Variants in PHC3 observed in about 807,000 individuals in gnomAD.
PHC3 encodes the protein polyhomeotic-like protein 3.
A neutral mutation model predicts 107.4 loss-of-function variants in PHC3; 13 were observed. That is an observed-to-expected ratio of 0.12 (90% CI 0.08 to 0.19). The LOEUF (loss-of-function observed/expected upper bound fraction) is 0.19, where lower values mean the gene tolerates loss of function less well. Ranked by LOEUF, PHC3 falls within the 10% of genes least tolerant of loss-of-function variation. The probability of loss-of-function intolerance (pLI) is 1.00; values close to 1 mark genes in which losing one functional copy is unlikely to be tolerated. For missense variants in PHC3, 992 were observed against 1,210.9 expected, an observed-to-expected ratio of 0.82 and a Z score of 2.68; for synonymous variants, 456 against 427.4, an observed-to-expected ratio of 1.07 and a Z score of -0.83.
At chr3:170,099,415 G>C (rs539555405) in intron 14 of PHC3, among the ~76,000 whole-genome samples, 81 of 152,262 alleles carry the variant, frequency 5.3e-4, no homozygotes, top group African/African-American at 1.7e-3. Context: ...AAGCAAGTAT[G>C]CTTCCAGAAT....
At chr3:170,122,852 G>T in intron 8 of PHC3, 108 bp from the exon 9 acceptor site, 1 of 1,284,576 alleles carries the variant, frequency 7.8e-7, no homozygotes, top group Non-Finnish European at 1.1e-6. Context: ...TAAAAACAAG[G>T]CAAAAATGAC....
At chr3:170,146,609 T>C (rs1171699903) in intron 5 of PHC3, among the ~76,000 whole-genome samples, 5 of 146,954 alleles carry the variant, frequency 3.4e-5, no homozygotes, top group African/African-American at 5.0e-5. Flanking sequence ...CTCAGCTCAC[T>C]GCAACCTCTG....
intron 7 of PHC3, among the ~76,000 whole-genome samples, chr3:170,134,796 C>G (rs182808094): frequency 6.6e-6 from 1 of 152,008 alleles, no homozygotes; most frequent in African/African-American, 2.4e-5. Flanking sequence ...ACATAAATGC[C>G]CAATATTATT....
At position 170,172,567 on chromosome 3, in the gene PHC3, G is replaced by A; in HGVS notation, c.326C>T (p.Ala109Val). 6.2e-7 allele frequency: 1 copy of A among 1,612,888 alleles called. No homozygotes were observed. Among genetic ancestry groups the A allele is most frequent in the Non-Finnish European group, 8.5e-7 (1 of 1,179,624 alleles). Residue 109 changes from alanine (A) to valine (V), a missense_variant, in exon 3 of 15, where the codon GCT (alanine) becomes GTT (valine). Ala to Val is a moderately conservative substitution (Grantham distance 64, BLOSUM62 0). Around this residue, in one of 6 missense-constraint regions of PHC3, gnomAD observed 161 missense variants for 183.7 expected, o/e 0.88. Transcript: ENST00000495893. ...TTATTTTAGTCTTACCTGAACAGCAGCAAGGCTCTGAAGCTGGGAGCTGCT... is the reference window on the plus strand; with the variant it reads ...TTATTTTAGTCTTACCTGAACAGCAACAAGGCTCTGAAGCTGGGAGCTGCT... Reference protein sequence around the residue: ...HLSSSQLQSLAAVQASLSSGR... With the variant: ...HLSSSQLQSLVAVQASLSSGR...
At chr3:170,181,548 G>T (rs904692192) in intron 1 of PHC3, 154 bp downstream of exon 1, 1 of 1,099,794 alleles carries the variant, frequency 9.1e-7, no homozygotes, top group Non-Finnish European at 1.3e-6. Flanking sequence ...CCCGCGACAC[G>T]GGCCTAGCCG....
chr3:170,181,638 G>C (rs890563160), intron 1 of PHC3, 64 bp downstream of exon 1: 1 of 1,610,350 alleles, frequency 6.2e-7, no homozygotes, highest in African/African-American at 1.3e-5. Flanking sequence ...TCCCCTGGGG[G>C]AACGTGTCGC....
chr3:170,107,021 T>C (rs1273471120), intron 11 of PHC3, 75 bp from the exon 12 acceptor site: 13 of 1,040,202 alleles, frequency 1.2e-5, no homozygotes, highest in African/African-American at 3.2e-5. Context: ...GTCTATACTT[T>C]GGTTGGATAC....
chr3:170,154,665 A>G (rs2108628402), intron 4 of PHC3, among the ~76,000 whole-genome samples: 1 of 152,282 alleles, frequency 6.6e-6, no homozygotes, highest in Middle Eastern at 3.4e-3. Context: ...CAACGCCCTA[A>G]CCACCTGTAT....
rs969824524 is a variant in PHC3, at chr3:170,095,495, A to C, written c.*1735T>G. 1 of 152,158 alleles carries C rather than the reference A, an allele frequency of 6.6e-6. No individual in the cohort carries two copies. Among genetic ancestry groups the C allele is most frequent in the Admixed American group, 6.6e-5 (1 of 15,248 alleles). The allele number at this position is 152,158 out of a possible 1,614,324, so 9.4% of individuals were successfully genotyped here. A position where few individuals can be genotyped will look rare whatever the true frequency, so the allele number is the denominator to read the frequency against. On this transcript the variant is annotated 3_prime_UTR_variant, in exon 15 of 15. Transcript: ENST00000495893. ...AATCAACATTCTCTAATGTACACAAAGCCAAAAGATAAATATAGTATCTGT... is the reference window on the plus strand; with the variant it reads ...AATCAACATTCTCTAATGTACACAACGCCAAAAGATAAATATAGTATCTGT...
intron 4 of PHC3, among the ~76,000 whole-genome samples, chr3:170,165,906 C>T (rs893398141): frequency 2.0e-5 from 3 of 150,190 alleles, no homozygotes; most frequent in South Asian, 2.1e-4. Flanking sequence ...TGTTGGAGGC[C>T]GGCCTGGACA....
At chr3:170,127,601 A>G (rs1263100068) in intron 8 of PHC3, among the ~76,000 whole-genome samples, 1 of 152,242 alleles carries the variant, frequency 6.6e-6, no homozygotes, top group African/African-American at 2.4e-5. Context: ...ATTAAAGAAC[A>G]TTGAGGATAA....
intron 4 of PHC3, among the ~76,000 whole-genome samples, chr3:170,157,373 C>T (rs766180291): frequency 2.6e-5 from 4 of 152,126 alleles, no homozygotes; most frequent in South Asian, 2.1e-4. Flanking sequence ...AGAAGACAGA[C>T]GGACTGAAAG....
At chr3:170,160,462 G>C (rs1253118783) in intron 4 of PHC3, among the ~76,000 whole-genome samples, 1 of 152,186 alleles carries the variant, frequency 6.6e-6, no homozygotes, top group Non-Finnish European at 1.5e-5. Context: ...AGAGCAAGCA[G>C]CACAATGTTG....
At chr3:170,124,411 C>G (rs1720938252) in intron 8 of PHC3, among the ~76,000 whole-genome samples, 1 of 151,958 alleles carries the variant, frequency 6.6e-6, no homozygotes. Context: ...GAGAAAGGGT[C>G]TCACTCTGCT....
At chr3:170,110,045 T>C (rs1313153237) in intron 11 of PHC3, among the ~76,000 whole-genome samples, 2 of 152,146 alleles carry the variant, frequency 1.3e-5, no homozygotes. Flanking sequence ...CTCTACATCT[T>C]CCTTTCCTTA....
At chr3:170,111,785 CTTTTA>C (rs372626399) in intron 11 of PHC3, among the ~76,000 whole-genome samples, 17 of 152,044 alleles carry the variant, frequency 1.1e-4, no homozygotes, top group Non-Finnish European at 1.8e-4. Context: ...AGATGTCATC[CTTTTA>C]AGTTAGAAAA....
At chr3:170,174,501 A>G (rs1376120496) in intron 2 of PHC3, among the ~76,000 whole-genome samples, 1 of 152,180 alleles carries the variant, frequency 6.6e-6, no homozygotes, top group African/African-American at 2.4e-5. Flanking sequence ...ATCCTATACA[A>G]CCAAATCCGA....
intron 6 of PHC3, among the ~76,000 whole-genome samples, chr3:170,142,212 T>A (rs940717188): frequency 6.6e-6 from 1 of 152,190 alleles, no homozygotes; most frequent in Non-Finnish European, 1.5e-5. Flanking sequence ...ACATATTTAA[T>A]CCTCATAGCA....
chr3:170,123,554 T>C (rs573801843), intron 8 of PHC3, among the ~76,000 whole-genome samples: 1 of 152,148 alleles, frequency 6.6e-6, no homozygotes, highest in South Asian at 2.1e-4. Flanking sequence ...TCTGGGAGGC[T>C]GAGGTGGGTG....
Sources: allele counts gnomAD v4.1 joint callset (sites outside exome capture counted in the v4.1 genomes callset), GRCh38; gene constraint gnomAD v4.1.1; regional missense constraint gnomAD v4.1.1; transcripts MANE v1.5; gene names NCBI Gene and HGNC (gene_info 2026-07-23, HGNC 2026-07-21).